SDCCAG8: variants seen among roughly 807,000 people sequenced by gnomAD.
SDCCAG8 encodes SHH signaling and ciliogenesis regulator SDCCAG8.
SDCCAG8 carries 74 observed loss-of-function variants against 101.8 expected under a neutral mutation model. The ratio of observed to expected loss-of-function variants is 0.73; its 90% CI spans 0.60 to 0.88. The LOEUF is 0.88. SDCCAG8 is among the 40% of genes least tolerant of loss of function. The probability of loss-of-function intolerance (pLI) is 0.00; values close to 1 mark genes in which losing one functional copy is unlikely to be tolerated. For synonymous variants in SDCCAG8, 281 were observed against 292.9 expected, an observed-to-expected ratio of 0.96 and a Z score of 0.41; for missense variants, 787 against 822.6, an observed-to-expected ratio of 0.96 and a Z score of 0.53.
chr1:243,347,139 T>C (rs2147800869), intron 12 of SDCCAG8, among the ~76,000 whole-genome samples: 1 of 152,320 alleles, frequency 6.6e-6, no homozygotes, highest in East Asian at 1.9e-4. Flanking sequence ...TTCTTTGTCA[T>C]GTTTTTTCTG....
intron 1 of SDCCAG8, among the ~76,000 whole-genome samples, chr1:243,263,154 C>T (rs1283179057): frequency 6.6e-6 from 1 of 152,130 alleles, no homozygotes; most frequent in Non-Finnish European, 1.5e-5. Context: ...AGCAAGTCTC[C>T]CCTCAACACT....
chr1:243,287,265 A>C lies in SDCCAG8; in HGVS notation c.546+868A>C, dbSNP rs139238206. ...CTTTTTGGGACAAATTCAACTTTCC[A>C]TGTGGAAGTTTTCATACTTGCCTAT... On this transcript the variant is annotated intron_variant, in intron 5 of 17. Transcript: ENST00000366541. Among the ~76,000 whole-genome samples, 708 of 152,308 alleles carry C rather than the reference A, an allele frequency of 4.6e-3. 3 individuals carry two copies. The highest frequency in any genetic ancestry group is 0.016 in the African/African-American group (684 of 41,572).
At chr1:243,470,862 T>C (rs1439895041) in intron 16 of SDCCAG8, among the ~76,000 whole-genome samples, 1 of 152,152 alleles carries the variant, frequency 6.6e-6, no homozygotes, top group Non-Finnish European at 1.5e-5. Flanking sequence ...TGTCCACCCT[T>C]TGTTTTTCTC....
chr1:243,414,730 G>A (rs968336786), intron 13 of SDCCAG8, among the ~76,000 whole-genome samples: 8 of 152,140 alleles, frequency 5.3e-5, no homozygotes, highest in African/African-American at 1.9e-4. Context: ...AACTAAAGCA[G>A]CATGGATGAG....
rs567472365 is a variant in SDCCAG8 at position 243,291,465 on chromosome 1, T to A, written c.547-1626T>A. Among the ~76,000 whole-genome samples the A allele has an allele frequency of 1.1e-4, 16 of 152,322 alleles. No individual in the cohort carries two copies. The East Asian group carries it at 2.7e-3, about 26-fold the overall frequency. ...TGACTGGAATTGAGTAGTGGCTGCT[T>A]CCTTTGGATGGTACACATTTCTGTG... On this transcript the variant is annotated intron_variant, in intron 5 of 17. Coordinates refer to ENST00000366541, the MANE Select transcript of SDCCAG8 (RefSeq NM_006642.5).
intron 12 of SDCCAG8, among the ~76,000 whole-genome samples, chr1:243,363,004 T>C (rs2076805963): frequency 6.6e-6 from 1 of 152,228 alleles, no homozygotes; most frequent in Non-Finnish European, 1.5e-5. Flanking sequence ...GTCCGAGCTC[T>C]CTTGGATCCT....
intron 16 of SDCCAG8, among the ~76,000 whole-genome samples, chr1:243,475,229 C>T (rs76738194): frequency 6.6e-6 from 1 of 152,222 alleles, no homozygotes; most frequent in Admixed American, 6.5e-5. Flanking sequence ...CTTCTCCCAA[C>T]ACAACCAAGA....
At chr1:243,300,414 G>A (rs2071387766) in intron 6 of SDCCAG8, among the ~76,000 whole-genome samples, 1 of 151,898 alleles carries the variant, frequency 6.6e-6, no homozygotes. Context: ...CTATGTATTT[G>A]TAATTACTGG....
chr1:243,264,472 G>A (rs1337576057), intron 1 of SDCCAG8, among the ~76,000 whole-genome samples: 4 of 152,150 alleles, frequency 2.6e-5, no homozygotes, highest in Non-Finnish European at 2.9e-5. Context: ...AAATTACCCA[G>A]GTGTGGTGGT....
At chr1:243,457,897 G>A (rs76784116) in intron 16 of SDCCAG8, among the ~76,000 whole-genome samples, 1 of 152,226 alleles carries the variant, frequency 6.6e-6, no homozygotes, top group Non-Finnish European at 1.5e-5. Context: ...CTGTGAGGCA[G>A]CATTGCTGCT....
At chr1:243,278,726 G>A (rs2068780276) in intron 4 of SDCCAG8, among the ~76,000 whole-genome samples, 1 of 152,104 alleles carries the variant, frequency 6.6e-6, no homozygotes, top group Admixed American at 6.5e-5. Flanking sequence ...ACGAAAGACA[G>A]TGTTATTTTC....
intron 17 of SDCCAG8, among the ~76,000 whole-genome samples, chr1:243,497,939 C>T (rs1668444036): frequency 6.6e-6 from 1 of 152,184 alleles, no homozygotes; most frequent in Non-Finnish European, 1.5e-5. Flanking sequence ...GCCCCAGCCT[C>T]CCAAAGCACT....
At chr1:243,409,495 C>T (rs1233420959) in intron 13 of SDCCAG8, among the ~76,000 whole-genome samples, 9 of 152,132 alleles carry the variant, frequency 5.9e-5, no homozygotes, top group Non-Finnish European at 1.2e-4. Flanking sequence ...GCAGTGAGCA[C>T]CACCTAGTGA....
At chr1:243,430,732 C>T (rs1289900012) in intron 16 of SDCCAG8, among the ~76,000 whole-genome samples, 3 of 152,210 alleles carry the variant, frequency 2.0e-5, no homozygotes, top group East Asian at 3.9e-4. Context: ...GCTACCGCAC[C>T]GGGCTGGTCT....
intron 12 of SDCCAG8, among the ~76,000 whole-genome samples, chr1:243,349,736 G>C (rs2075976652): frequency 6.6e-6 from 1 of 151,924 alleles, no homozygotes; most frequent in South Asian, 2.1e-4. Flanking sequence ...GGATGGGAGT[G>C]TAAATACCGT....
At chr1:243,426,076 G>C (rs2081319063) in intron 15 of SDCCAG8, among the ~76,000 whole-genome samples, 2 of 152,270 alleles carry the variant, frequency 1.3e-5, no homozygotes, top group South Asian at 4.1e-4. Flanking sequence ...ATTAGGCCTA[G>C]GGTTTCTTCT....
rs2067980956 is a variant in SDCCAG8, at chr1:243,270,272, C to G, written c.220+15C>G. The stretch of plus-strand genomic sequence containing the variant: ...GAGCCATGCTGGTGAGTGTGAATGT[C>G]AATCCTAGTCTGAATGATGCATAGT... On this transcript the variant is annotated intron_variant, in intron 2 of 17. Coordinates refer to ENST00000366541, the MANE Select transcript of SDCCAG8 (RefSeq NM_006642.5). 6.2e-7 allele frequency: 1 copy of G among 1,612,718 alleles called. No homozygotes were observed. Among genetic ancestry groups the G allele is most frequent in the African/African-American group, 1.3e-5 (1 of 74,934 alleles).
chr1:243,374,639 GC>G (rs1399592886), intron 12 of SDCCAG8, among the ~76,000 whole-genome samples: 2 of 152,068 alleles, frequency 1.3e-5, no homozygotes, highest in African/African-American at 4.8e-5. Flanking sequence ...TTTCAGGCAG[GC>G]GAATACTCGA....
chr1:243,437,903 T>A (rs182813438), intron 16 of SDCCAG8, among the ~76,000 whole-genome samples: 1 of 152,304 alleles, frequency 6.6e-6, no homozygotes, highest in Non-Finnish European at 1.5e-5. Context: ...CCTCCCTCAG[T>A]GACAGTTCAC....
Sources: allele counts gnomAD v4.1 joint callset (sites outside exome capture counted in the v4.1 genomes callset), GRCh38; gene constraint gnomAD v4.1.1; transcripts MANE v1.5; gene names NCBI Gene and HGNC (gene_info 2026-07-23, HGNC 2026-07-21).